Variants in AGAP1 observed in about 807,000 individuals in gnomAD.
AGAP1 encodes the protein arf-GAP with GTPase, ANK repeat and PH domain-containing protein 1.
AGAP1 carries 29 observed loss-of-function variants against 105.3 expected under a neutral mutation model. The observed-to-expected ratio is 0.28, with a 90% CI of 0.21 to 0.38. AGAP1 has a LOEUF of 0.38. AGAP1 is among the 10% of genes least tolerant of loss of function. The pLI is 1.00. For missense variants in AGAP1, 998 were observed against 1,165.1 expected, an observed-to-expected ratio of 0.86 and a Z score of 2.09; for synonymous variants, 509 against 485.9, an observed-to-expected ratio of 1.05 and a Z score of -0.63.
chr2:235,541,948 T>C (rs1025493680), intron 1 of AGAP1, among the ~76,000 whole-genome samples: 8 of 152,220 alleles, frequency 5.3e-5, no homozygotes, highest in Non-Finnish European at 1.0e-4. Flanking sequence ...ATGAATTGCA[T>C]GGTATGACCT....
rs2060033292 is a variant in AGAP1, at chr2:236,128,217, A to G, written c.*4095A>G. ...CCTGCCCACTTTTCTCAACATGTAT[A>G]TTCTGCTTTGTAGTCTGAGGTTGAT... is the stretch of plus-strand genomic sequence containing the variant. On this transcript the variant is annotated 3_prime_UTR_variant, in exon 18 of 18. Coordinates refer to ENST00000304032, the MANE Select transcript of AGAP1 (RefSeq NM_001037131.3). The surrounding 1 kb of genome is among the most constrained non-coding windows in gnomAD (Gnocchi z 5.9). 6.6e-6 allele frequency: 1 copy of G among 152,242 alleles called. No individual in the cohort carries two copies. The highest frequency in any genetic ancestry group is 2.4e-5 in the African/African-American group (1 of 41,394). 9.4% of individuals were successfully genotyped at this position (152,242 alleles called of 1,614,324 possible).
chr2:235,534,108 G>T (rs899059206), intron 1 of AGAP1, among the ~76,000 whole-genome samples: 11 of 152,232 alleles, frequency 7.2e-5, no homozygotes, highest in African/African-American at 9.6e-5. Context: ...AGTACTCACT[G>T]TGTGTTCTCC....
chr2:235,995,545 A>C (rs978524681), intron 13 of AGAP1, among the ~76,000 whole-genome samples: 2 of 152,166 alleles, frequency 1.3e-5, no homozygotes, highest in Non-Finnish European at 2.9e-5. Flanking sequence ...AAAAAATTCT[A>C]CTTAAAGAAG....
intron 16 of AGAP1, among the ~76,000 whole-genome samples, chr2:236,070,157 C>T (rs116504147): frequency 0.013 from 1,948 of 152,362 alleles, 11 homozygotes; most frequent in Non-Finnish European, 0.016. Flanking sequence ...AGCCATGACC[C>T]GCACCCTCCC....
chr2:235,686,628 TATATATATATATATATAG>T lies in AGAP1; in HGVS notation c.164-22533_164-22516del, dbSNP rs1559350514. ...ATATACGTGGAGATATAGATATATA[TATATATATATATATATAG>T]ATATATATATATATATATATTTTTT... On this transcript the variant is annotated intron_variant, in intron 1 of 17. Coordinates refer to ENST00000304032, the MANE Select transcript of AGAP1 (RefSeq NM_001037131.3). Among the ~76,000 whole-genome samples, 287 of 44,432 alleles carry T rather than the reference TATATATATATATATATAG, an allele frequency of 6.5e-3. 5 individuals are homozygous for T. Among genetic ancestry groups the T allele is most frequent in the African/African-American group, 0.028 (256 of 9,000 alleles). The allele number at this position is 44,432 out of a possible 152,430, so 29.1% of individuals were successfully genotyped here.
intron 1 of AGAP1, among the ~76,000 whole-genome samples, chr2:235,575,235 G>T (rs1944694353): frequency 6.6e-6 from 1 of 152,192 alleles, no homozygotes; most frequent in Non-Finnish European, 1.5e-5. Flanking sequence ...AATGTAGCTT[G>T]ATATGATGAG....
intron 13 of AGAP1, among the ~76,000 whole-genome samples, chr2:235,972,351 C>T (rs2054682718): frequency 6.6e-6 from 1 of 152,154 alleles, no homozygotes; most frequent in Non-Finnish European, 1.5e-5. Context: ...GCAAATTTAT[C>T]AGGGTCCTTT....
chr2:235,498,661 T>C (rs1321903383), intron 1 of AGAP1, among the ~76,000 whole-genome samples: 4 of 152,224 alleles, frequency 2.6e-5, no homozygotes, highest in Non-Finnish European at 5.9e-5. Context: ...GTAATTCAGC[T>C]TGCCAGCAGC....
intron 13 of AGAP1, among the ~76,000 whole-genome samples, chr2:236,010,722 A>AG (rs1378029924): frequency 6.6e-6 from 1 of 152,262 alleles, no homozygotes; most frequent in Non-Finnish European, 1.5e-5. Flanking sequence ...GTTCCTCAAC[A>AG]GGAGGGCTCT....
chr2:236,116,697 A>T (rs537372504), intron 16 of AGAP1, among the ~76,000 whole-genome samples: 13 of 151,816 alleles, frequency 8.6e-5, no homozygotes, highest in Admixed American at 5.9e-4. Flanking sequence ...TGCACCCATC[A>T]CCCGAGCACT....
chr2:235,794,110 C>CA (rs1259031872), intron 6 of AGAP1, among the ~76,000 whole-genome samples: 3 of 152,160 alleles, frequency 2.0e-5, no homozygotes, highest in Non-Finnish European at 4.4e-5. Context: ...TGAAGATGGG[C>CA]ACAATTCTCC....
At chr2:235,676,916 G>A (rs1173789888) in intron 1 of AGAP1, among the ~76,000 whole-genome samples, 1 of 152,190 alleles carries the variant, frequency 6.6e-6, no homozygotes, top group African/African-American at 2.4e-5. Flanking sequence ...TTGGTATTAA[G>A]GTCAACGGAT....
At chr2:235,575,178 G>A (rs1391456886) in intron 1 of AGAP1, among the ~76,000 whole-genome samples, 1 of 152,110 alleles carries the variant, frequency 6.6e-6, no homozygotes, top group Non-Finnish European at 1.5e-5. Flanking sequence ...TAAAGAGATG[G>A]TGGTTGGATT....
intron 10 of AGAP1, among the ~76,000 whole-genome samples, chr2:235,885,487 T>G (rs1206029166): frequency 6.6e-6 from 1 of 152,258 alleles, no homozygotes; most frequent in Non-Finnish European, 1.5e-5. Context: ...ATTGGCTTCC[T>G]GCGTTGAAGA....
chr2:236,071,250 A>G (rs926501889), intron 16 of AGAP1, among the ~76,000 whole-genome samples: 1 of 152,222 alleles, frequency 6.6e-6, no homozygotes, highest in Non-Finnish European at 1.5e-5. Flanking sequence ...GAAGTGTCCA[A>G]CAGATTTTAT....
At chr2:235,907,691 C>T (rs2051373843) in intron 10 of AGAP1, among the ~76,000 whole-genome samples, 1 of 152,162 alleles carries the variant, frequency 6.6e-6, no homozygotes, top group Admixed American at 6.5e-5. Context: ...ATACCAAGAT[C>T]CTCAGATGCT....
At chr2:236,100,937 A>C (rs938775482) in intron 16 of AGAP1, among the ~76,000 whole-genome samples, 1 of 151,926 alleles carries the variant, frequency 6.6e-6, no homozygotes, top group African/African-American at 2.4e-5. Flanking sequence ...TTCAGTTGTC[A>C]TTACCCTGGA....
At chr2:235,628,353 T>G (rs908595136) in intron 1 of AGAP1, among the ~76,000 whole-genome samples, 1 of 152,190 alleles carries the variant, frequency 6.6e-6, no homozygotes, top group Admixed American at 6.5e-5. Context: ...CTGTGCTTGT[T>G]CCTGTCCCCA....
intron 8 of AGAP1, among the ~76,000 whole-genome samples, chr2:235,800,931 G>T (rs764493420): frequency 4.6e-5 from 7 of 152,144 alleles, no homozygotes; most frequent in Non-Finnish European, 1.0e-4. Context: ...GCTCTAGAGG[G>T]GTGGCTGGGA....
Sources: gnomAD v4.1 joint callset for allele counts (sites outside exome capture counted in the v4.1 genomes callset) on GRCh38, gnomAD v4.1.1 for gene constraint, Gnocchi (gnomAD v3.1) non-coding constraint, MANE v1.5 for transcripts, NCBI Gene and HGNC (gene_info 2026-07-23, HGNC 2026-07-21) for gene names.